The following CERS6 variants were observed in gnomAD, a reference collection of about 807,000 sequenced individuals.
CERS6 encodes LAG1 homolog, ceramide synthase 6.
In CERS6, 26 loss-of-function variants were observed where a neutral mutation model predicts 56.8. That is an observed-to-expected ratio of 0.46 (90% CI 0.34 to 0.63). The LOEUF is 0.63. Ranked by LOEUF, CERS6 falls within the 30% of genes least tolerant of loss-of-function variation. The pLI, the probability that CERS6 is intolerant of heterozygous loss-of-function variation, is 0.01. For missense variants in CERS6, 415 were observed against 467.5 expected, an observed-to-expected ratio of 0.89 and a Z score of 1.04; for synonymous variants, 164 against 173.3, an observed-to-expected ratio of 0.95 and a Z score of 0.42.
chr2:168,732,774 A>G (rs1055593343), intron 8 of CERS6, among the ~76,000 whole-genome samples: 3 of 152,046 alleles, frequency 2.0e-5, no homozygotes, highest in Non-Finnish European at 2.9e-5. Flanking sequence ...CCATCCTTCA[A>G]AGGTTTGGGG....
At chr2:168,670,979 C>CA (rs200935364) in intron 4 of CERS6, among the ~76,000 whole-genome samples, 1 of 83,260 alleles carries the variant, frequency 1.2e-5, no homozygotes, top group African/African-American at 3.3e-5. Flanking sequence ...CCCCCCCCCC[C>CA]CAGACGGAAG....
chr2:168,581,600 T>C (rs1401910135), intron 3 of CERS6, among the ~76,000 whole-genome samples: 2 of 152,174 alleles, frequency 1.3e-5, no homozygotes, highest in Non-Finnish European at 2.9e-5. Flanking sequence ...TTGGTTAATA[T>C]ATATTTTTAT....
chr2:168,685,449 A>G (rs1686324084), intron 4 of CERS6, among the ~76,000 whole-genome samples: 1 of 152,148 alleles, frequency 6.6e-6, no homozygotes, highest in South Asian at 2.1e-4. Flanking sequence ...TCCTTGCTTC[A>G]AAATCGCTAT....
chr2:168,588,892 C>A (rs1333913028), intron 3 of CERS6, among the ~76,000 whole-genome samples: 1 of 152,188 alleles, frequency 6.6e-6, no homozygotes, highest in Non-Finnish European at 1.5e-5. Flanking sequence ...GCATGTGCCA[C>A]CACGCCTGGC....
intron 1 of CERS6, among the ~76,000 whole-genome samples, chr2:168,465,025 C>G (rs1297054208): frequency 2.0e-5 from 3 of 152,182 alleles, no homozygotes; most frequent in South Asian, 2.1e-4. Context: ...AATTTTACCT[C>G]TAGGGGTGTA....
chr2:168,594,368 T>G (rs1347097041), intron 3 of CERS6, among the ~76,000 whole-genome samples: 1 of 152,194 alleles, frequency 6.6e-6, no homozygotes, highest in East Asian at 1.9e-4. Flanking sequence ...GTGGATTGCT[T>G]GAGCCCAGGA....
At chr2:168,505,395 A>AG (rs1465424630) in intron 1 of CERS6, among the ~76,000 whole-genome samples, 2 of 150,504 alleles carry the variant, frequency 1.3e-5, no homozygotes, top group Admixed American at 6.6e-5. Context: ...AAAAAAAAAA[A>AG]AAAAAAGAAA....
intron 4 of CERS6, among the ~76,000 whole-genome samples, chr2:168,647,759 T>C (rs962970831): frequency 5.9e-5 from 9 of 152,224 alleles, no homozygotes; most frequent in African/African-American, 1.7e-4. Flanking sequence ...TCTGCATCTG[T>C]TTACATAATC....
chr2:168,580,285 A>G (rs891516927), intron 3 of CERS6, among the ~76,000 whole-genome samples: 1 of 151,740 alleles, frequency 6.6e-6, no homozygotes, highest in African/African-American at 2.4e-5. Context: ...ATTTTTGCCT[A>G]TTTTATGTTC....
chr2:168,654,247 T>G (rs1024078899), intron 4 of CERS6, among the ~76,000 whole-genome samples: 2 of 152,214 alleles, frequency 1.3e-5, no homozygotes, highest in African/African-American at 4.8e-5. Context: ...ACTGTATATT[T>G]TTTTAAAATG....
At chr2:168,746,781 A>G (rs1187115223) in intron 8 of CERS6, among the ~76,000 whole-genome samples, 1 of 61,702 alleles carries the variant, frequency 1.6e-5, no homozygotes, top group Non-Finnish European at 3.1e-5. Flanking sequence ...AAGGGTATAT[A>G]TATATATATA....
intron 4 of CERS6, among the ~76,000 whole-genome samples, chr2:168,690,499 C>CG (rs1330149704): frequency 6.6e-6 from 1 of 152,110 alleles, no homozygotes; most frequent in Non-Finnish European, 1.5e-5. Flanking sequence ...AGACCTGGAT[C>CG]ACAGGTCAGG....
intron 1 of CERS6, among the ~76,000 whole-genome samples, chr2:168,460,634 C>A (rs926409634): frequency 2.6e-5 from 4 of 152,118 alleles, no homozygotes; most frequent in African/African-American, 9.7e-5. Flanking sequence ...TCAGAATAAC[C>A]AACAAAGATT....
intron 1 of CERS6, among the ~76,000 whole-genome samples, chr2:168,463,596 A>G (rs1257808043): frequency 6.6e-6 from 1 of 152,214 alleles, no homozygotes; most frequent in African/African-American, 2.4e-5. Context: ...TTATCAGAAT[A>G]TAGATTATTA....
At chr2:168,765,132 C>T (rs181164836) in intron 8 of CERS6, among the ~76,000 whole-genome samples, 5 of 152,250 alleles carry the variant, frequency 3.3e-5, no homozygotes, top group Admixed American at 2.6e-4. Flanking sequence ...TACTTTTATG[C>T]GGTGCCTAAA....
chr2:168,728,362 A>AG (rs917795128), intron 8 of CERS6, among the ~76,000 whole-genome samples: 8 of 143,444 alleles, frequency 5.6e-5, no homozygotes, highest in African/African-American at 1.3e-4. Context: ...TGTCCACGTT[A>AG]GGGGAAAAAA....
At chr2:168,549,884 G>T (rs774250878) in intron 2 of CERS6, among the ~76,000 whole-genome samples, 2 of 152,120 alleles carry the variant, frequency 1.3e-5, no homozygotes, top group Non-Finnish European at 2.9e-5. Context: ...GGGAGAGCTT[G>T]AACAAAGTGT....
In CERS6 at chr2:168,610,224, A is replaced by G. The variant is rs1195328895; in HGVS notation, c.408-20761A>G. 2.6e-5 allele frequency among the ~76,000 whole-genome samples: 4 copies of G among 151,978 alleles called. No homozygotes were observed. The East Asian group carries it at 7.8e-4, about 30-fold the overall frequency. ...GATCTCCTGACCTCATGATCCACCC[A>G]CCTCGGCCTCCCAAAGTGCTGGGAT... On this transcript the variant is annotated intron_variant, in intron 3 of 9. Coordinates refer to ENST00000305747, the MANE Select transcript of CERS6 (RefSeq NM_203463.3).
intron 4 of CERS6, among the ~76,000 whole-genome samples, chr2:168,634,081 C>G (rs1684808713): frequency 2.6e-5 from 4 of 152,144 alleles, no homozygotes; most frequent in Admixed American, 2.6e-4. Flanking sequence ...AGCACCTATT[C>G]TACCCTAAAA....
Sources: allele counts gnomAD v4.1 joint callset (sites outside exome capture counted in the v4.1 genomes callset), GRCh38; gene constraint gnomAD v4.1.1; transcripts MANE v1.5; gene names NCBI Gene and HGNC (gene_info 2026-07-23, HGNC 2026-07-21).